Variants in MMP9 observed in about 807,000 individuals in gnomAD.
The protein encoded by MMP9 is matrix metallopeptidase 9.
In MMP9, 73 loss-of-function variants were observed where a neutral mutation model predicts 76.4. That is an observed-to-expected ratio of 0.96 (90% confidence interval 0.79 to 1.16). The LOEUF (loss-of-function observed/expected upper bound fraction) is 1.16, where lower values mean the gene tolerates loss of function less well. Among genes scored for constraint, MMP9 ranks in the 50% most tolerant of loss-of-function variants. The pLI is 0.00. For synonymous variants in MMP9, 412 were observed against 408.4 expected (o/e 1.01, Z -0.11); for missense variants, 943 against 973.0 (o/e 0.97, Z 0.41).
Position 46,010,980 on chromosome 20 carries a change from T to G in MMP9, c.579T>G (p.Pro193=). The change falls in exon 4 of 13, where the codon CCT becomes CCG. Residue 193 remains proline (P), a synonymous_variant. Transcript: ENST00000372330. ...GKDGLLAHAF[P]PGPGIQGDAH... ...ACGGGCTCCTGGCACACGCCTTTCC[T>G]CCTGGCCCCGGCATTCAGGGAGACG... The G allele has an allele frequency of 6.2e-7, 1 of 1,614,160 alleles. No individual in the cohort carries two copies. Among genetic ancestry groups the G allele is most frequent in the Non-Finnish European group, 8.5e-7 (1 of 1,180,026 alleles).
rs1428314491 is a variant in MMP9, at chr20:46,010,015, C to T, written c.288C>T (p.Thr96=). 6.4e-7 allele frequency: 1 copy of T among 1,551,562 alleles called. No homozygotes were observed. Among genetic ancestry groups the T allele is most frequent in the Non-Finnish European group, 8.7e-7 (1 of 1,147,008 alleles). ...GCGCCACGCTGAAGGCCATGCGAACCCCACGGTGCGGGGTCCCAGACCTGG... is the reference window on the plus strand; with the variant it reads ...GCGCCACGCTGAAGGCCATGCGAACTCCACGGTGCGGGGTCCCAGACCTGG... ...LDSATLKAMR[T]PRCGVPDLGR... Residue 96 remains threonine, a synonymous_variant, in exon 2 of 13, where the codon ACC becomes ACT. Coordinates refer to ENST00000372330, the MANE Select transcript of MMP9 (RefSeq NM_004994.3).
chr20:46,012,992 G>T (rs1242514049), intron 8 of MMP9, among the ~76,000 whole-genome samples: 1 of 152,174 alleles, frequency 6.6e-6, no homozygotes, highest in Non-Finnish European at 1.5e-5. Context: ...TCTGGAGGCT[G>T]AGGTGGGAGG....
rs1167774814 is a variant in MMP9 at position 46,011,742 on chromosome 20, C to G, written c.992C>G (p.Thr331Ser). 1 of 1,611,086 alleles carries G rather than the reference C, an allele frequency of 6.2e-7. No homozygotes were observed. Among genetic ancestry groups the G allele is most frequent in the Non-Finnish European group, 8.5e-7 (1 of 1,179,746 alleles). ...GACAAGCTCTTCGGCTTCTGCCCGA[C>G]CCGAGGTACCTCCACCCTGTCTACC... is the stretch of plus-strand genomic sequence containing the variant. ...DRDKLFGFCP[T>S]RADSTVMGGN... Residue 331 changes from threonine to serine, a missense_variant, in exon 6 of 13, where the codon ACC (threonine) becomes AGC (serine). Coordinates refer to ENST00000372330, the MANE Select transcript of MMP9 (RefSeq NM_004994.3).
Position 46,013,157 on chromosome 20 carries a change from C to A in MMP9, c.1331-98C>A. 7.0e-7 allele frequency: 1 copy of A among 1,418,758 alleles called. No homozygotes were observed. Among genetic ancestry groups the A allele is most frequent in the Non-Finnish European group, 9.9e-7 (1 of 1,005,082 alleles). 87.9% of individuals were successfully genotyped at this position (1,418,758 alleles called of 1,614,324 possible). A position where few individuals can be genotyped will look rare whatever the true frequency, so the allele number is the denominator to read the frequency against. On this transcript the variant is annotated intron_variant, in intron 8 of 12. Transcript: ENST00000372330. This position sits in a 1 kb window ranked among gnomAD's most constrained non-coding sequence, Gnocchi z 4.5. The stretch of plus-strand genomic sequence containing the variant: ...GGCTGAGTGAGGAGGGGCCTGTGTG[C>A]CAGAGGAGGCTTCACTGAGAAGCTT...
chr20:46,014,095 C>A (rs1289089940), intron 10 of MMP9, 29 bp from the exon 11 acceptor site: 3 of 1,534,090 alleles, frequency 2.0e-6, no homozygotes, highest in South Asian at 2.4e-5. Flanking sequence ...TCTGCGCCCC[C>A]AAACCGACGT....
chr20:46,013,536 T>G lies in MMP9; in HGVS notation c.1610+2T>G. 1 of 1,613,738 alleles carries G rather than the reference T, an allele frequency of 6.2e-7. No individual in the cohort carries two copies. Among genetic ancestry groups the G allele is most frequent in the South Asian group, 1.1e-5 (1 of 91,020 alleles). On this transcript the variant is annotated splice_donor_variant, in intron 9 of 12. Coordinates refer to ENST00000372330, the MANE Select transcript of MMP9 (RefSeq NM_004994.3). LOFTEE classifies it high-confidence loss of function. This position sits in a 1 kb window ranked among gnomAD's most constrained non-coding sequence, Gnocchi z 4.5. ...CCAGCTGTATTTGTTCAAGGATGGG[T>G]GAGGAGGCGGGGTTGTGTGGATGCG...
Position 46,012,494 on chromosome 20 carries a change from G to A in MMP9, c.1242G>A (p.Val414=). The change falls in exon 8 of 13, where the codon GTG becomes GTA. Residue 414 remains valine, a synonymous_variant. Coordinates refer to ENST00000372330, the MANE Select transcript of MMP9 (RefSeq NM_004994.3). ...GHALGLDHSS[V]PEALMYPMYR... is the part of the protein sequence containing the mutation. ...CGCTGGGCTTAGATCATTCCTCAGT[G>A]CCGGAGGCGCTCATGTACCCTATGT... 2 of 1,614,216 alleles carry A rather than the reference G, an allele frequency of 1.2e-6. No individual in the cohort carries two copies. Among genetic ancestry groups the A allele is most frequent in the South Asian group, 2.2e-5 (2 of 91,084 alleles).
chr20:46,011,888 A>G, intron 6 of MMP9, 141 bp downstream of exon 6: 1 of 1,131,984 alleles, frequency 8.8e-7, no homozygotes, highest in Non-Finnish European at 1.3e-6. Context: ...CACCTACACC[A>G]CATTTCCACC....
intron 7 of MMP9, 54 bp downstream of exon 7, chr20:46,012,367 G>C: frequency 1.2e-6 from 2 of 1,613,192 alleles, no homozygotes; most frequent in South Asian, 2.2e-5. Context: ...GGTGGTGGTG[G>C]GGTGGCCAGG....
Position 46,010,600 on chromosome 20 carries a change from C to T in MMP9, c.489C>T (p.Asp163=). Residue 163 remains aspartate, a synonymous_variant, in exon 3 of 13, where the codon GAC becomes GAT. Transcript: ENST00000372330. ...CCTTCACTCGCGTGTACAGCCGGGACGCAGACATCGTCATCCAGTTTGGTG... is the reference window on the plus strand; with the variant it reads ...CCTTCACTCGCGTGTACAGCCGGGATGCAGACATCGTCATCCAGTTTGGTG... ...PLTFTRVYSR[D]ADIVIQFGVA... 3 of 1,613,988 alleles carry T rather than the reference C, an allele frequency of 1.9e-6. No individual in the cohort carries two copies. Among genetic ancestry groups the T allele is most frequent in the Non-Finnish European group, 2.5e-6 (3 of 1,179,930 alleles).
chr20:46,012,024 T>A, intron 6 of MMP9, 113 bp from the exon 7 acceptor site: 1 of 1,378,928 alleles, frequency 7.3e-7, no homozygotes, highest in Non-Finnish European at 1.0e-6. Flanking sequence ...TTCTCAGGAG[T>A]GCTCTACAGC....
chr20:46,010,309 G>C (rs2084267683), intron 2 of MMP9, among the ~76,000 whole-genome samples, 174 bp from the exon 3 acceptor site: 1 of 36,460 alleles, frequency 2.7e-5, no homozygotes, highest in African/African-American at 1.2e-4. Context: ...CCATTGTGAG[G>C]GTCTAAGTAG....
chr20:46,016,153 G>A, intron 12 of MMP9, 97 bp from the exon 13 acceptor site: 1 of 1,187,416 alleles, frequency 8.4e-7, no homozygotes, highest in Non-Finnish European at 1.3e-6. Flanking sequence ...GAAAGTTCTA[G>A]AAATGGCAGA....
At position 46,013,198 on chromosome 20, in the gene MMP9, C is replaced by T; in HGVS notation, c.1331-57C>T. The T allele has an allele frequency of 6.2e-7, 1 of 1,605,868 alleles. No homozygotes were observed. The highest frequency in any genetic ancestry group is 2.2e-5 in the East Asian group (1 of 44,842). ...TGAGAAGCTTAGGGGAGCAGATGTT[C>T]TAGGGGTACAGAGGTATGCAGGAAT... is the stretch of plus-strand genomic sequence containing the variant. On this transcript the variant is annotated intron_variant, in intron 8 of 12. Transcript: ENST00000372330. This position sits in a 1 kb window ranked among gnomAD's most constrained non-coding sequence, Gnocchi z 4.5.
chr20:46,013,674 C>A lies in MMP9; in HGVS notation c.1628C>A (p.Ser543Tyr). The A allele has an allele frequency of 6.2e-7, 1 of 1,614,114 alleles. No individual in the cohort carries two copies. The highest frequency in any genetic ancestry group is 1.1e-5 in the South Asian group (1 of 91,066). Reference sequence around the variant, plus strand: ...TTTCTCAGGAAGTACTGGCGATTCTCTGAGGGCAGGGGGAGCCGGCCGCAG... The same window carrying A: ...TTTCTCAGGAAGTACTGGCGATTCTATGAGGGCAGGGGGAGCCGGCCGCAG... ...LFKDGKYWRF[S>Y]EGRGSRPQGP... The change falls in exon 10 of 13, where the codon TCT becomes TAT. Residue 543 changes from serine to tyrosine, a missense_variant. Ser to Tyr is a moderately radical substitution (Grantham distance 144). Coordinates refer to ENST00000372330, the MANE Select transcript of MMP9 (RefSeq NM_004994.3). The surrounding 1 kb of genome is among the most constrained non-coding windows in gnomAD (Gnocchi z 4.5).
chr20:46,013,692 G>T lies in MMP9; in HGVS notation c.1646G>T (p.Arg549Leu). The T allele has an allele frequency of 6.2e-7, 1 of 1,613,514 alleles. No homozygotes were observed. Among genetic ancestry groups the T allele is most frequent in the Non-Finnish European group, 8.5e-7 (1 of 1,179,818 alleles). Residue 549 changes from arginine to leucine, a missense_variant, in exon 10 of 13, where the codon CGG (arginine) becomes CTG (leucine). Arg to Leu is a moderately radical substitution (Grantham distance 102). Coordinates refer to ENST00000372330, the MANE Select transcript of MMP9 (RefSeq NM_004994.3). This position sits in a 1 kb window ranked among gnomAD's most constrained non-coding sequence, Gnocchi z 4.5. ...YWRFSEGRGS[R>L]PQGPFLIADK... is the part of the protein sequence containing the mutation. ...CGATTCTCTGAGGGCAGGGGGAGCCGGCCGCAGGGCCCCTTCCTTATCGCC... is the reference window on the plus strand; with the variant it reads ...CGATTCTCTGAGGGCAGGGGGAGCCTGCCGCAGGGCCCCTTCCTTATCGCC...
intron 5 of MMP9, 64 bp from the exon 6 acceptor site, chr20:46,011,510 C>T (rs1458686782): frequency 6.3e-7 from 1 of 1,599,708 alleles, no homozygotes; most frequent in African/African-American, 1.3e-5. Flanking sequence ...GAACAGGACA[C>T]ACTTGGGGGT....
intron 2 of MMP9, 149 bp from the exon 3 acceptor site, chr20:46,010,334 A>AACAAAC: frequency 9.6e-6 from 5 of 518,212 alleles, no homozygotes; most frequent in Non-Finnish European, 1.5e-5. Flanking sequence ...AAAAAAAAAA[A>AACAAAC]AAAAAAACAG....
Position 46,013,717 on chromosome 20 carries a change from C to G in MMP9, c.1671C>G (p.Ala557=). ...GSRPQGPFLI[A]DKWPALPRKL... is the part of the protein sequence containing the mutation. ...GGCCGCAGGGCCCCTTCCTTATCGC[C>G]GACAAGTGGCCCGCGCTGCCCCGCA... Residue 557 remains alanine (A), a synonymous_variant, in exon 10 of 13, where the codon GCC becomes GCG. Transcript: ENST00000372330. The surrounding 1 kb of genome is among the most constrained non-coding windows in gnomAD (Gnocchi z 4.5). 6.2e-7 allele frequency: 1 copy of G among 1,613,898 alleles called. No individual in the cohort carries two copies. Among genetic ancestry groups the G allele is most frequent in the Non-Finnish European group, 8.5e-7 (1 of 1,179,990 alleles).
Sources: allele counts gnomAD v4.1 joint callset (sites outside exome capture counted in the v4.1 genomes callset), GRCh38; gene constraint gnomAD v4.1.1; non-coding constraint Gnocchi (gnomAD v3.1); transcripts MANE v1.5; gene names NCBI Gene and HGNC (gene_info 2026-07-23, HGNC 2026-07-21).